The following PLAC8L1 variants were observed in gnomAD, a reference collection of about 807,000 sequenced individuals.
PLAC8L1 encodes PLAC8 like 1.
In PLAC8L1, 13 loss-of-function variants were observed where a neutral mutation model predicts 16.3. The ratio of observed to expected loss-of-function variants is 0.80; its 90% CI spans 0.52 to 1.27. The LOEUF (loss-of-function observed/expected upper bound fraction) is 1.27. Among genes scored for constraint, PLAC8L1 ranks in the 50% most tolerant of loss-of-function variants. The pLI is 0.00. For missense variants in PLAC8L1, 184 were observed against 220.2 expected, an observed-to-expected ratio of 0.84 and a Z score of 1.04; for synonymous variants, 78 against 79.3, an observed-to-expected ratio of 0.98 and a Z score of 0.09.
intron 2 of PLAC8L1, among the ~76,000 whole-genome samples, chr5:146,088,359 T>C (rs1763557645): frequency 6.6e-6 from 1 of 152,178 alleles, no homozygotes; most frequent in Non-Finnish European, 1.5e-5. Context: ...ACCATTGTCT[T>C]TTAGTGCACC....
In PLAC8L1 at chr5:146,103,594, T is replaced by C. The variant is rs963991881; in HGVS notation, c.119+599A>G. ...TACAGTTCCAGGCAAACCAAGATGG[T>C]TGGTGATCCTAACCCTCAGAAGGTG... On this transcript the variant is annotated intron_variant, in intron 1 of 3. Transcript: ENST00000311450. 8.7e-6 allele frequency: 8 copies of C among 920,618 alleles called. No homozygotes were observed. The African/African-American group carries it at 1.4e-4, about 16-fold the overall frequency. 57.0% of individuals were successfully genotyped at this position (920,618 alleles called of 1,614,324 possible). A position where few individuals can be genotyped will look rare whatever the true frequency, so the allele number is the denominator to read the frequency against.
intron 2 of PLAC8L1, among the ~76,000 whole-genome samples, chr5:146,095,106 G>A: frequency 6.6e-6 from 1 of 152,194 alleles, no homozygotes; most frequent in East Asian, 1.9e-4. Flanking sequence ...TGCAGATAAT[G>A]AGTGTACACA....
In PLAC8L1 at chr5:146,105,333, T is replaced by C. The variant is rs34170515; in HGVS notation, c.-1022A>G. 0.22 allele frequency among the ~76,000 whole-genome samples: 33,797 copies of C among 151,934 alleles called. 4,808 individuals carry two copies. The highest frequency in any genetic ancestry group is 0.34 in the Admixed American group (5,107 of 15,242). ...ATAATACCTTCCAAATCAAGATTCC[T>C]CAGACATAGCTTCATAACTGCCTTC... On this transcript the variant is annotated 5_prime_UTR_variant, in exon 1 of 4. Coordinates refer to ENST00000311450, the MANE Select transcript of PLAC8L1 (RefSeq NM_001029869.3).
intron 2 of PLAC8L1, among the ~76,000 whole-genome samples, chr5:146,088,581 A>C (rs1319828942): frequency 6.6e-6 from 1 of 152,210 alleles, no homozygotes. Flanking sequence ...TGGATGAAGT[A>C]GCACAAGCAT....
chr5:146,096,157 G>T lies in PLAC8L1; in HGVS notation c.256+1999C>A, dbSNP rs6869540. On this transcript the variant is annotated intron_variant, in intron 2 of 3. Coordinates refer to ENST00000311450, the MANE Select transcript of PLAC8L1 (RefSeq NM_001029869.3). ...CCTGTCTCTTTCCTGGCTTCTGGGG[G>T]TTGCTGGCAATCGTTGGTGCTCCTT... Among the ~76,000 whole-genome samples, 620 of 152,226 alleles carry T rather than the reference G, an allele frequency of 4.1e-3. 9 individuals are homozygous for T. The highest frequency in any genetic ancestry group is 0.013 in the African/African-American group (554 of 41,540).
intron 2 of PLAC8L1, among the ~76,000 whole-genome samples, chr5:146,088,392 T>C (rs1315375907): frequency 6.6e-6 from 1 of 152,184 alleles, no homozygotes; most frequent in East Asian, 1.9e-4. Context: ...TCACATACCA[T>C]GACATCAGCA....
intron 1 of PLAC8L1, chr5:146,103,795 C>A (rs940198746): frequency 2.0e-6 from 2 of 985,388 alleles, no homozygotes; most frequent in Non-Finnish European, 2.4e-6. Context: ...GTCACTCTTC[C>A]GTAATCACAC....
At chr5:146,100,720 T>C (rs1763800079) in intron 1 of PLAC8L1, among the ~76,000 whole-genome samples, 2 of 152,114 alleles carry the variant, frequency 1.3e-5, no homozygotes, top group Non-Finnish European at 2.9e-5. Context: ...AACAAATGTA[T>C]GGGTATATTT....
intron 1 of PLAC8L1, among the ~76,000 whole-genome samples, chr5:146,101,563 G>T (rs570341071): frequency 4.6e-5 from 7 of 152,126 alleles, no homozygotes; most frequent in Non-Finnish European, 8.8e-5. Flanking sequence ...CCACTATCCC[G>T]CACACTACCC....
chr5:146,099,029 C>G (rs1763764247), intron 1 of PLAC8L1, among the ~76,000 whole-genome samples: 1 of 152,064 alleles, frequency 6.6e-6, no homozygotes, highest in South Asian at 2.1e-4. Context: ...AAATGAAAAC[C>G]TGGTGGCTGG....
intron 2 of PLAC8L1, among the ~76,000 whole-genome samples, chr5:146,095,373 T>C (rs1418953094): frequency 6.6e-6 from 1 of 152,150 alleles, no homozygotes; most frequent in Non-Finnish European, 1.5e-5. Flanking sequence ...GGAAGTGTGG[T>C]TGGTGTCCTG....
intron 2 of PLAC8L1, among the ~76,000 whole-genome samples, chr5:146,097,108 T>G (rs1763730536): frequency 6.6e-6 from 1 of 152,012 alleles, no homozygotes; most frequent in Non-Finnish European, 1.5e-5. Flanking sequence ...ACCCTCCCCC[T>G]CCTCCCAGAG....
chr5:146,089,200 A>C (rs1332264281), intron 2 of PLAC8L1, among the ~76,000 whole-genome samples: 1 of 152,088 alleles, frequency 6.6e-6, no homozygotes, highest in East Asian at 1.9e-4. Flanking sequence ...TTTTATTTTT[A>C]ATCTTTTTGT....
In PLAC8L1 at chr5:146,104,241, A is replaced by C. The variant is rs1763873186; in HGVS notation, c.71T>G (p.Leu24Arg). 6.2e-7 allele frequency: 1 copy of C among 1,613,872 alleles called. No individual in the cohort carries two copies. The highest frequency in any genetic ancestry group is 8.5e-7 in the Non-Finnish European group (1 of 1,179,896). The change falls in exon 1 of 4, where the codon CTG becomes CGG. Residue 24 changes from leucine to arginine, a missense_variant. Coordinates refer to ENST00000311450, the MANE Select transcript of PLAC8L1 (RefSeq NM_001029869.3). ...ATCTTCAGATGACATGTGTGACAAC[A>C]GAGGTGAGTATATGTTGAGTAAGGA... ...DLSLLNIYSP[L>R]LSHMSSEDEH... is the part of the protein sequence containing the mutation.
In PLAC8L1 at chr5:146,084,583, AC is replaced by A; in HGVS notation, c.394-12del. 3 of 1,613,112 alleles carry A rather than the reference AC, an allele frequency of 1.9e-6. No homozygotes were observed. The highest frequency in any genetic ancestry group is 2.5e-6 in the Non-Finnish European group (3 of 1,179,962). On this transcript the variant is annotated splice_polypyrimidine_tract_variant and intron_variant, in intron 3 of 3. Coordinates refer to ENST00000311450, the MANE Select transcript of PLAC8L1 (RefSeq NM_001029869.3). ...TTCACACAGTGTGCCCTAGGGCAAG[AC>A]CAGAATCTGTTCTGTTGTAGTCACA...
At chr5:146,099,658 CAA>C (rs10581890) in intron 1 of PLAC8L1, among the ~76,000 whole-genome samples, 3,040 of 88,560 alleles carry the variant, frequency 0.034, 77 homozygotes, top group African/African-American at 0.15. Flanking sequence ...GACTCCGTCT[CAA>C]AAAAAAAAAA....
intron 1 of PLAC8L1, among the ~76,000 whole-genome samples, chr5:146,100,217 C>G (rs1018047472): frequency 1.3e-5 from 2 of 152,104 alleles, no homozygotes; most frequent in African/African-American, 4.8e-5. Context: ...ATGTTTGGAA[C>G]ATATTTAGTC....
intron 2 of PLAC8L1, among the ~76,000 whole-genome samples, chr5:146,096,909 C>T (rs1364261801): frequency 6.6e-6 from 1 of 152,172 alleles, no homozygotes; most frequent in Non-Finnish European, 1.5e-5. Context: ...AGAGACTTGC[C>T]AAACTATGGG....
Position 146,098,224 on chromosome 5 carries a change from G to A in PLAC8L1, c.188C>T (p.Thr63Ile), listed in dbSNP as rs775424097. 13 of 1,614,150 alleles carry A rather than the reference G, an allele frequency of 8.1e-6. No individual in the cohort carries two copies. The highest frequency in any genetic ancestry group is 9.3e-6 in the Non-Finnish European group (11 of 1,180,016). The change falls in exon 2 of 4, where the codon ACA (threonine) becomes ATA (isoleucine). Residue 63 changes from threonine (T) to isoleucine (I), a missense_variant. Transcript: ENST00000311450. ...VRGASGRTTITAIVQTGGGWS... is the reference protein window; with the variant it reads ...VRGASGRTTIIAIVQTGGGWS... ...GCCCCCGCCAGTCTGGACAATTGCT[G>A]TGATTGTCGTCCTGCCACTGGCTCC...
Sources: gnomAD v4.1 joint callset for allele counts (sites outside exome capture counted in the v4.1 genomes callset) on GRCh38, gnomAD v4.1.1 for gene constraint, MANE v1.5 for transcripts, NCBI Gene and HGNC (gene_info 2026-07-23, HGNC 2026-07-21) for gene names.